CLCN2: variants seen among roughly 807,000 people sequenced by gnomAD.
The protein encoded by CLCN2 is chloride voltage-gated channel 2.
Under a neutral mutation model 108.3 loss-of-function variants are expected in CLCN2, and 72 were observed. The observed-to-expected ratio is 0.66, with a 90% CI of 0.55 to 0.81. The LOEUF is 0.81. Ranked by LOEUF, CLCN2 falls within the 30% of genes least tolerant of loss-of-function variation. The pLI is 0.00. For synonymous variants in CLCN2, 471 were observed against 467.1 expected (o/e 1.01, Z -0.11); for missense variants, 1,048 against 1,205.2 (o/e 0.87, Z 1.93).
intron 18 of CLCN2, 45 bp downstream of exon 18, chr3:184,352,988 A>C (rs370306336): frequency 8.1e-5 from 128 of 1,581,650 alleles, no homozygotes; most frequent in Non-Finnish European, 1.1e-4. Flanking sequence ...AATGGATCTC[A>C]GTAGCTTGGC....
Position 184,354,218 on chromosome 3 carries a change from A to G in CLCN2, c.1604T>C (p.Met535Thr). 3.7e-6 allele frequency: 6 copies of G among 1,613,424 alleles called. No homozygotes were observed. The highest frequency in any genetic ancestry group is 5.1e-6 in the Non-Finnish European group (6 of 1,179,968). Residue 535 changes from methionine (M) to threonine (T), a missense_variant, in exon 15 of 24, where the codon ATG becomes ACG. Physicochemically the swap from Met to Thr is moderately conservative, Grantham distance 81 (BLOSUM62 -1). Coordinates refer to ENST00000265593, the MANE Select transcript of CLCN2 (RefSeq NM_004366.6). Reference protein sequence around the residue: ...TGQIAHILPVMIAVILANAVA... With the variant: ...TGQIAHILPVTIAVILANAVA... ...AGCGTTGGCCAGGATGACGGCGATC[A>G]TGACAGGCAGGATGTGGGCAATCTG...
Position 184,357,254 on chromosome 3 carries a change from G to A in CLCN2, c.911C>T (p.Ala304Val), listed in dbSNP as rs760459952. ...GAGCCGGAATCGGGTTTTGAAGAGGGCTGTAATAGTCTCTAAAGGGAAGAA... is the reference window on the plus strand; with the variant it reads ...GAGCCGGAATCGGGTTTTGAAGAGGACTGTAATAGTCTCTAAAGGGAAGAA... ...VWNRDEETIT[A>V]LFKTRFRLDF... is the part of the protein sequence containing the mutation. Residue 304 changes from alanine to valine, a missense_variant, in exon 9 of 24, where the codon GCC (alanine) becomes GTC (valine). Physicochemically the swap from Ala to Val is moderately conservative, Grantham distance 64. Coordinates refer to ENST00000265593, the MANE Select transcript of CLCN2 (RefSeq NM_004366.6). 10 of 1,614,008 alleles carry A rather than the reference G, an allele frequency of 6.2e-6. No homozygotes were observed. The highest frequency in any genetic ancestry group is 7.6e-6 in the Non-Finnish European group (9 of 1,180,022).
At chr3:184,351,722 C>T (rs770294551) in intron 22 of CLCN2, among the ~76,000 whole-genome samples, 2 of 152,190 alleles carry the variant, frequency 1.3e-5, no homozygotes, top group Non-Finnish European at 2.9e-5. Flanking sequence ...GCCTGGCCTT[C>T]TGGCTTCCAC....
rs145623979 is a variant in CLCN2 at position 184,355,759 on chromosome 3, G to C, written c.1105C>G (p.Leu369Val). 4.3e-6 allele frequency: 7 copies of C among 1,614,220 alleles called. No homozygotes were observed. The East Asian group carries it at 1.6e-4, about 36-fold the overall frequency. ...AGCGTGGAGATGAGCAGGGTCACCA[G>C]AGCCGGGAAGAGCAGGCGTCTAGAG... ...LMRKRLLFPA[L>V]VTLLISTLTF... The change falls in exon 11 of 24, where the codon CTG becomes GTG. Residue 369 changes from leucine to valine, a missense_variant. Leu to Val is a conservative substitution (Grantham distance 32, BLOSUM62 1). Transcript: ENST00000265593. This position sits in a 1 kb window ranked among gnomAD's most constrained non-coding sequence, Gnocchi z 6.3.
In CLCN2 at chr3:184,353,342, G is replaced by A. The variant is rs373554707; in HGVS notation, c.1936C>T (p.Arg646Trp). Reference sequence around the variant, plus strand: ...GCTCTGCGCTCCTGCATGTGCTGCCGCCGGCGGGCTGGGCTCAGCTGGGCC... The same window carrying A: ...GCTCTGCGCTCCTGCATGTGCTGCCACCGGCGGGCTGGGCTCAGCTGGGCC... ...LGAQLSPARR[R>W]QHMQERRATQ... is the part of the protein sequence containing the mutation. Residue 646 changes from arginine to tryptophan, a missense_variant, in exon 17 of 24, where the codon CGG (arginine) becomes TGG (tryptophan). Arg to Trp is a moderately radical substitution (Grantham distance 101, BLOSUM62 -3). Coordinates refer to ENST00000265593, the MANE Select transcript of CLCN2 (RefSeq NM_004366.6). 112 of 1,613,058 alleles carry A rather than the reference G, an allele frequency of 6.9e-5. No individual in the cohort carries two copies. Among genetic ancestry groups the A allele is most frequent in the Middle Eastern group, 1.6e-4 (1 of 6,080 alleles).
intron 22 of CLCN2, chr3:184,347,407 AAGCATT>A (rs1727761558): frequency 8.5e-6 from 3 of 351,490 alleles, no homozygotes; most frequent in Non-Finnish European, 1.7e-5. Flanking sequence ...CCTGAGAACT[AAGCATT>A]AGGAGAAGCA....
chr3:184,355,552 G>C lies in CLCN2; in HGVS notation c.1171-23C>G, dbSNP rs745723759. The C allele has an allele frequency of 2.5e-6, 4 of 1,613,902 alleles. No individual in the cohort carries two copies. In the African/African-American group the frequency reaches 5.3e-5, roughly 22 times the overall value. On this transcript the variant is annotated intron_variant, in intron 11 of 23. Transcript: ENST00000265593. This position sits in a 1 kb window ranked among gnomAD's most constrained non-coding sequence, Gnocchi z 6.3. Reference sequence around the variant, plus strand: ...GAGCTAGAGTGAACAGGGTGCCTCAGGCTGGGAAACCGACAGGATGAAGGG... The same window carrying C: ...GAGCTAGAGTGAACAGGGTGCCTCACGCTGGGAAACCGACAGGATGAAGGG...
At chr3:184,354,343 G>C (rs764328655) in intron 14 of CLCN2, 29 bp from the exon 15 acceptor site, 1 of 1,607,740 alleles carries the variant, frequency 6.2e-7, no homozygotes, top group Non-Finnish European at 8.5e-7. Context: ...AGTCTCCTCA[G>C]GGTGCCCAGG....
At chr3:184,353,174 G>C in intron 17 of CLCN2, 27 bp from the exon 18 acceptor site, 1 of 1,612,640 alleles carries the variant, frequency 6.2e-7, no homozygotes, top group Non-Finnish European at 8.5e-7. Context: ...GGGCTGGTGA[G>C]GCCACGGCCC....
intron 22 of CLCN2, among the ~76,000 whole-genome samples, chr3:184,350,885 A>G (rs888866305): frequency 6.6e-6 from 1 of 152,214 alleles, no homozygotes. Flanking sequence ...TGTCTCGCAC[A>G]TAGCAAGCAC....
rs1728484270 is a variant in CLCN2, at chr3:184,355,542, GGGT to G, written c.1171-16_1171-14del. The G allele has an allele frequency of 6.2e-7, 1 of 1,614,092 alleles. No homozygotes were observed. Reference sequence around the variant, plus strand: ...CTTTCTGTGAGAGCTAGAGTGAACAGGGTGCCTCAGGCTGGGAAACCGACAGGA... The same window carrying G: ...CTTTCTGTGAGAGCTAGAGTGAACAGGCCTCAGGCTGGGAAACCGACAGGA... On this transcript the variant is annotated splice_polypyrimidine_tract_variant and intron_variant, in intron 11 of 23. Transcript: ENST00000265593. The surrounding 1 kb of genome is among the most constrained non-coding windows in gnomAD (Gnocchi z 6.3).
In CLCN2 at chr3:184,346,586, C is replaced by T; in HGVS notation, c.*20G>A. 1 of 1,613,298 alleles carries T rather than the reference C, an allele frequency of 6.2e-7. No homozygotes were observed. Among genetic ancestry groups the T allele is most frequent in the Non-Finnish European group, 8.5e-7 (1 of 1,179,824 alleles). On this transcript the variant is annotated 3_prime_UTR_variant, in exon 24 of 24. Coordinates refer to ENST00000265593, the MANE Select transcript of CLCN2 (RefSeq NM_004366.6). This position sits in a 1 kb window ranked among gnomAD's most constrained non-coding sequence, Gnocchi z 6.0. ...GCTGACGGGCATGGCTAGCACCATC[C>T]TAGGCCACCCACGAGGGGCTCATTG...
rs1460437368 is a variant in CLCN2 at position 184,361,325 on chromosome 3, T to A, written c.63+92A>T. On this transcript the variant is annotated intron_variant, in intron 1 of 23. Coordinates refer to ENST00000265593, the MANE Select transcript of CLCN2 (RefSeq NM_004366.6). This position sits in a 1 kb window ranked among gnomAD's most constrained non-coding sequence, Gnocchi z 6.6. ...CCCAGCTCAAAATGCTAGGACAGGATTAGGGTAGGCCCCTGGTCCTCGCGC... is the reference window on the plus strand; with the variant it reads ...CCCAGCTCAAAATGCTAGGACAGGAATAGGGTAGGCCCCTGGTCCTCGCGC... The A allele has an allele frequency of 5.4e-6, 7 of 1,295,544 alleles. No homozygotes were observed. The highest frequency in any genetic ancestry group is 6.7e-6 in the Non-Finnish European group (6 of 892,542). 80.3% of individuals were successfully genotyped at this position (1,295,544 alleles called of 1,614,324 possible).
rs1194926315 is a variant in CLCN2, at chr3:184,361,582, C to A, written c.-103G>T. 1.5e-6 allele frequency: 2 copies of A among 1,313,318 alleles called. No homozygotes were observed. Among genetic ancestry groups the A allele is most frequent in the East Asian group, 2.5e-5 (1 of 39,788 alleles). 81.4% of individuals were successfully genotyped at this position (1,313,318 alleles called of 1,614,324 possible). Reference sequence around the variant, plus strand: ...GCCGGCAGCCGTCCCGTCCCCGCAGCCCGGGAGGCCGAGAGCAGAGTGCGG... The same window carrying A: ...GCCGGCAGCCGTCCCGTCCCCGCAGACCGGGAGGCCGAGAGCAGAGTGCGG... On this transcript the variant is annotated 5_prime_UTR_variant, in exon 1 of 24. Transcript: ENST00000265593. The surrounding 1 kb of genome is among the most constrained non-coding windows in gnomAD (Gnocchi z 6.6).
At chr3:184,347,069 C>T (rs1277479821) in intron 22 of CLCN2, 48 bp from the exon 23 acceptor site, 2 of 1,518,304 alleles carry the variant, frequency 1.3e-6, no homozygotes, top group Admixed American at 3.3e-5. Context: ...CGAGGGGCAG[C>T]TCTAAATGAC....
At position 184,352,477 on chromosome 3, in the gene CLCN2, T is replaced by A; in HGVS notation, c.2237A>T (p.Lys746Met). 2 of 1,613,328 alleles carry A rather than the reference T, an allele frequency of 1.2e-6. No individual in the cohort carries two copies. The highest frequency in any genetic ancestry group is 2.2e-5 in the East Asian group (1 of 44,870). Residue 746 changes from lysine (K) to methionine (M), a missense_variant, in exon 20 of 24, where the codon AAG becomes ATG. Coordinates refer to ENST00000265593, the MANE Select transcript of CLCN2 (RefSeq NM_004366.6). ...GATTCGGACACGCTTCAGCTTGCGC[T>A]TCTCACAGGATTCCAACTTCTTCAG... ...AASEKLESCE[K>M]RKLKRVRISL... is the part of the protein sequence containing the mutation.
intron 22 of CLCN2, among the ~76,000 whole-genome samples, chr3:184,349,918 C>G (rs1449182804): frequency 6.6e-6 from 1 of 152,184 alleles, no homozygotes; most frequent in East Asian, 1.9e-4. Context: ...TTAGCCGGCA[C>G]AGCGATCTCC....
At chr3:184,354,514 G>A in intron 14 of CLCN2, 34 bp downstream of exon 14, 1 of 1,550,166 alleles carries the variant, frequency 6.5e-7, no homozygotes. Context: ...GGGTGGGGGG[G>A]TCTCCCAAGG....
chr3:184,353,785 C>T lies in CLCN2; in HGVS notation c.1732G>A (p.Val578Met), dbSNP rs1388956806. ...LGWGRHQQYRVRVEDIMVRDV... is the reference protein window; with the variant it reads ...LGWGRHQQYRMRVEDIMVRDV... ...CGCACCATGATGTCCTCCACACGCA[C>T]CCGGTACTGCCTGGGGGCCGAGAGA... Residue 578 changes from valine (V) to methionine (M), a missense_variant, in exon 16 of 24, where the codon GTG becomes ATG. Val to Met is a conservative substitution (Grantham distance 21, BLOSUM62 1). Transcript: ENST00000265593. 1 of 1,606,174 alleles carries T rather than the reference C, an allele frequency of 6.2e-7. No homozygotes were observed. Among genetic ancestry groups the T allele is most frequent in the African/African-American group, 1.3e-5 (1 of 74,968 alleles).
Sources: gnomAD v4.1 joint callset for allele counts (sites outside exome capture counted in the v4.1 genomes callset) on GRCh38, gnomAD v4.1.1 for gene constraint, Gnocchi (gnomAD v3.1) non-coding constraint, MANE v1.5 for transcripts, NCBI Gene and HGNC (gene_info 2026-07-23, HGNC 2026-07-21) for gene names.